ACVR1: variants seen among roughly 807,000 people sequenced by gnomAD.
The protein encoded by ACVR1 is activin A receptor type 1.
In ACVR1, 38 loss-of-function variants were observed where a neutral mutation model predicts 57.1. The observed-to-expected ratio is 0.67, with a 90% confidence interval of 0.51 to 0.87. The LOEUF (loss-of-function observed/expected upper bound fraction) is 0.87. Among genes scored for constraint, ACVR1 ranks in the 40% least tolerant of loss-of-function variants. The pLI is 0.00. For synonymous variants in ACVR1, 212 were observed against 228.1 expected (o/e 0.93, Z 0.63); for missense variants, 463 against 638.2 (o/e 0.73, Z 2.96).
intron 1 of ACVR1, among the ~76,000 whole-genome samples, chr2:157,874,404 A>T (rs1448460917): frequency 6.6e-6 from 1 of 152,232 alleles, no homozygotes; most frequent in Non-Finnish European, 1.5e-5. Context: ...TTTCAAACTT[A>T]AGCAGTCTGC....
At chr2:157,859,419 C>T (rs1193272895) in intron 1 of ACVR1, among the ~76,000 whole-genome samples, 1 of 152,216 alleles carries the variant, frequency 6.6e-6, no homozygotes, top group East Asian at 1.9e-4. Flanking sequence ...GGGCAACCAG[C>T]AGCCCTTGGG....
chr2:157,794,994 T>TA (rs1687050649), intron 3 of ACVR1, among the ~76,000 whole-genome samples: 1 of 151,896 alleles, frequency 6.6e-6, no homozygotes, highest in Non-Finnish European at 1.5e-5. Context: ...TTTTTTTTTT[T>TA]AAATAGACTA....
intron 5 of ACVR1, among the ~76,000 whole-genome samples, chr2:157,777,430 T>C (rs538003415): frequency 2.6e-5 from 4 of 152,336 alleles, no homozygotes; most frequent in African/African-American, 9.6e-5. Flanking sequence ...AAATTTACAT[T>C]AATAATTTTT....
chr2:157,782,534 A>G (rs1214142248), intron 3 of ACVR1, among the ~76,000 whole-genome samples: 3 of 152,232 alleles, frequency 2.0e-5, no homozygotes, highest in Non-Finnish European at 4.4e-5. Flanking sequence ...AAACATGTAT[A>G]TCTGTTGACA....
At chr2:157,870,936 G>A (rs1351464350) in intron 1 of ACVR1, among the ~76,000 whole-genome samples, 3 of 152,102 alleles carry the variant, frequency 2.0e-5, no homozygotes, top group Admixed American at 6.6e-5. Flanking sequence ...AATCTCCCTG[G>A]TTCCCTAGAA....
intron 8 of ACVR1, among the ~76,000 whole-genome samples, chr2:157,765,027 G>C (rs1227743865): frequency 6.6e-6 from 1 of 151,950 alleles, no homozygotes; most frequent in Non-Finnish European, 1.5e-5. Context: ...AACAATAATT[G>C]CAATAATATA....
chr2:157,808,019 C>T (rs1289400451), intron 2 of ACVR1, among the ~76,000 whole-genome samples: 1 of 151,990 alleles, frequency 6.6e-6, no homozygotes, highest in Non-Finnish European at 1.5e-5. Context: ...ACTGGCCTAA[C>T]CAAAGCCTTC....
chr2:157,783,602 T>C (rs1686605520), intron 3 of ACVR1, among the ~76,000 whole-genome samples: 1 of 152,162 alleles, frequency 6.6e-6, no homozygotes, highest in African/African-American at 2.4e-5. Context: ...AGATGTGAAA[T>C]ACCAGGGTTT....
In ACVR1 at chr2:157,736,546, C is replaced by A; in HGVS notation, c.*985G>T. The A allele has an allele frequency of 1.1e-5, 3 of 271,134 alleles. 1 individual carries two copies. In the East Asian group the frequency reaches 1.7e-4, roughly 16 times the overall value. 16.8% of individuals were successfully genotyped at this position (271,134 alleles called of 1,614,324 possible). On this transcript the variant is annotated 3_prime_UTR_variant, in exon 11 of 11. Coordinates refer to ENST00000434821, the MANE Select transcript of ACVR1 (RefSeq NM_001111067.4). ...ATTTTTTTCTGGCAGAGTTTAAATGCACGTAATGGATAATTCTGAAGAAAA... is the reference window on the plus strand; with the variant it reads ...ATTTTTTTCTGGCAGAGTTTAAATGAACGTAATGGATAATTCTGAAGAAAA...
intron 9 of ACVR1, among the ~76,000 whole-genome samples, chr2:157,740,022 A>G (rs1252284921): frequency 1.3e-5 from 2 of 152,054 alleles, no homozygotes; most frequent in Non-Finnish European, 2.9e-5. Flanking sequence ...TGTCTCTACT[A>G]AAAATACAAA....
intron 1 of ACVR1, among the ~76,000 whole-genome samples, chr2:157,820,576 T>C (rs997813196): frequency 2.7e-5 from 4 of 146,498 alleles, no homozygotes; most frequent in Admixed American, 6.8e-5. Context: ...CTCTCTCTCT[T>C]TTTTTTTTTT....
In ACVR1 at chr2:157,767,280, T is replaced by C. The variant is rs927732464; in HGVS notation, c.791-1084A>G. 7.9e-5 allele frequency among the ~76,000 whole-genome samples: 12 copies of C among 152,132 alleles called. 1 individual carries two copies. Among genetic ancestry groups the C allele is most frequent in the Admixed American group, 7.9e-4 (12 of 15,270 alleles). ...ACTCCTGACCTTCAGGTGATCCACCTGCCTTGGCCTCCCAAAGTGCTGGGA... is the reference window on the plus strand; with the variant it reads ...ACTCCTGACCTTCAGGTGATCCACCCGCCTTGGCCTCCCAAAGTGCTGGGA... On this transcript the variant is annotated intron_variant, in intron 7 of 10. Transcript: ENST00000434821.
At chr2:157,859,540 T>C (rs1689654495) in intron 1 of ACVR1, among the ~76,000 whole-genome samples, 1 of 152,162 alleles carries the variant, frequency 6.6e-6, no homozygotes, top group South Asian at 2.1e-4. Context: ...AAGAATCCTC[T>C]CTTGGGGTCT....
intron 2 of ACVR1, among the ~76,000 whole-genome samples, chr2:157,804,835 T>C (rs1047713931): frequency 1.3e-5 from 2 of 152,200 alleles, no homozygotes; most frequent in Non-Finnish European, 2.9e-5. Flanking sequence ...CAAAACGACT[T>C]TCCAAATCCC....
Position 157,737,390 on chromosome 2 carries a change from G to A in ACVR1, c.*141C>T. On this transcript the variant is annotated 3_prime_UTR_variant, in exon 11 of 11. Coordinates refer to ENST00000434821, the MANE Select transcript of ACVR1 (RefSeq NM_001111067.4). The stretch of plus-strand genomic sequence containing the variant: ...TGATGTCTCCCCAACACATGGCTGG[G>A]TACGACGTCTGCCTTGTCAAAGCAG... 1.8e-6 allele frequency: 2 copies of A among 1,108,830 alleles called. No individual in the cohort carries two copies. Among genetic ancestry groups the A allele is most frequent in the South Asian group, 1.3e-5 (1 of 74,960 alleles). The allele number at this position is 1,108,830 out of a possible 1,614,324, so 68.7% of individuals were successfully genotyped here. A position where few individuals can be genotyped will look rare whatever the true frequency, so the allele number is the denominator to read the frequency against.
intron 9 of ACVR1, among the ~76,000 whole-genome samples, chr2:157,760,355 G>A (rs1441145180): frequency 6.6e-6 from 1 of 152,134 alleles, no homozygotes; most frequent in Non-Finnish European, 1.5e-5. Flanking sequence ...ATAAACATAA[G>A]AGCTGGATGG....
chr2:157,743,754 A>C (rs1941923), intron 9 of ACVR1, among the ~76,000 whole-genome samples: 2,910 of 151,510 alleles, frequency 0.019, 90 homozygotes, highest in African/African-American at 0.066. Flanking sequence ...GTCATGTTTG[A>C]CTATCACATG....
chr2:157,778,691 T>C (rs920119348), intron 4 of ACVR1, among the ~76,000 whole-genome samples: 2 of 152,226 alleles, frequency 1.3e-5, no homozygotes, highest in African/African-American at 4.8e-5. Context: ...GACACTGTAC[T>C]ATCCTTAAGA....
chr2:157,745,978 A>C (rs1481517466), intron 9 of ACVR1, among the ~76,000 whole-genome samples: 1 of 152,224 alleles, frequency 6.6e-6, no homozygotes, highest in Non-Finnish European at 1.5e-5. Flanking sequence ...CATAAGAGGC[A>C]CAACTTGGTC....
Sources: allele counts gnomAD v4.1 joint callset (sites outside exome capture counted in the v4.1 genomes callset), GRCh38; gene constraint gnomAD v4.1.1; transcripts MANE v1.5; gene names NCBI Gene and HGNC (gene_info 2026-07-23, HGNC 2026-07-21).